NOMO1: variants seen among roughly 807,000 people sequenced by gnomAD.
NOMO1 encodes NODAL modulator 1.
NOMO1 carries 40 observed loss-of-function variants against 133.8 expected under a neutral mutation model. The observed-to-expected ratio is 0.30, with a 90% confidence interval of 0.23 to 0.39. The LOEUF (loss-of-function observed/expected upper bound fraction) is 0.39. Among genes scored for constraint, NOMO1 ranks in the 10% least tolerant of loss-of-function variants. The pLI, the probability that NOMO1 is intolerant of heterozygous loss-of-function variation, is 1.00. For synonymous variants in NOMO1, 236 were observed against 570.5 expected (o/e 0.41, Z 8.36); for missense variants, 462 against 1,419.9 (o/e 0.33, Z 10.84).
intron 9 of NOMO1, among the ~76,000 whole-genome samples, chr16:14,856,128 G>C (rs538921939): frequency 1.7e-4 from 26 of 152,170 alleles, no homozygotes; most frequent in Admixed American, 7.2e-4. Flanking sequence ...TGTGTACCAG[G>C]TGACTAAGAC....
chr16:14,882,753 T>A, intron 26 of NOMO1, 76 bp downstream of exon 26: 1 of 1,609,610 alleles, frequency 6.2e-7, no homozygotes, highest in African/African-American at 1.3e-5. Context: ...CTCCTCTGGC[T>A]GTCTGCCTTT....
chr16:14,855,121 C>T (rs1190819095), intron 9 of NOMO1, among the ~76,000 whole-genome samples: 1 of 148,274 alleles, frequency 6.7e-6, no homozygotes, highest in Non-Finnish European at 1.5e-5. Flanking sequence ...AGAGGAGTGG[C>T]GTGATCCTTC....
Position 14,874,407 on chromosome 16 carries a change from C to G in NOMO1, c.2055-629C>G, listed in dbSNP as rs1278467820. Reference sequence around the variant, plus strand: ...TCCAAGGACTTTGCACTTGGCATCGCTTTTCCCAAGCTACTGTTTACCCAG... The same window carrying G: ...TCCAAGGACTTTGCACTTGGCATCGGTTTTCCCAAGCTACTGTTTACCCAG... On this transcript the variant is annotated intron_variant, in intron 18 of 30. Transcript: ENST00000287667. 6.6e-5 allele frequency among the ~76,000 whole-genome samples: 10 copies of G among 152,114 alleles called. No homozygotes were observed. In the East Asian group the frequency reaches 1.9e-3, roughly 29 times the overall value.
In NOMO1 at chr16:14,864,613, C is replaced by G; in HGVS notation, c.1424C>G (p.Ala475Gly). Residue 475 changes from alanine to glycine, a missense_variant, in exon 13 of 31, where the codon GCA becomes GGA. Ala to Gly is a moderately conservative substitution (Grantham distance 60). Transcript: ENST00000287667. The part of the protein sequence containing the change: ...QVMVPEAETR[A>G]GLTLKPQTFP... ...ATGGTTCCTGAGGCAGAAACCAGAG[C>G]AGGGCTGACGTTGAAACCCCAGACA... 6.2e-7 allele frequency: 1 copy of G among 1,613,400 alleles called. No homozygotes were observed. The highest frequency in any genetic ancestry group is 8.5e-7 in the Non-Finnish European group (1 of 1,179,808).
intron 13 of NOMO1, 87 bp from the exon 14 acceptor site, chr16:14,864,936 CA>C: frequency 6.2e-7 from 1 of 1,602,342 alleles, no homozygotes; most frequent in South Asian, 1.1e-5. Context: ...TCAGCAGTAG[CA>C]AGAAGCTATT....
At chr16:14,837,773 C>T (rs369704269) in intron 1 of NOMO1, among the ~76,000 whole-genome samples, 1,894 of 123,332 alleles carry the variant, frequency 0.015, 22 homozygotes, top group Middle Eastern at 0.048. Flanking sequence ...ATTTTTGAGA[C>T]GGAGTCTTGC....
chr16:14,891,449 T>G (rs1964404331), intron 29 of NOMO1, among the ~76,000 whole-genome samples: 1 of 152,102 alleles, frequency 6.6e-6, no homozygotes, highest in Admixed American at 6.5e-5. Context: ...TTAAATGTGT[T>G]GATTTTTTTC....
Position 14,876,706 on chromosome 16 carries a change from A to T in NOMO1, c.2559A>T (p.Ser853=). The T allele has an allele frequency of 6.2e-7, 1 of 1,610,816 alleles. No homozygotes were observed. Among genetic ancestry groups the T allele is most frequent in the Non-Finnish European group, 8.5e-7 (1 of 1,179,736 alleles). ...GTGACCTGGAGTACACGGTGACCTC[A>T]CAGAAGGAGGGCTATGTTCTGACTG... ...LHSDLEYTVT[S]QKEGYVLTAV... Residue 853 remains serine (S), a synonymous_variant, in exon 22 of 31, where the codon TCA becomes TCT. Transcript: ENST00000287667.
Position 14,857,729 on chromosome 16 carries a change from T to C in NOMO1, c.1220+74T>C, listed in dbSNP as rs1963865348. The C allele has an allele frequency of 3.7e-6, 6 of 1,603,448 alleles. No individual in the cohort carries two copies. The South Asian group carries it at 6.6e-5, about 18-fold the overall frequency. On this transcript the variant is annotated intron_variant, in intron 11 of 30. Transcript: ENST00000287667. The stretch of plus-strand genomic sequence containing the variant: ...CAGTGTAGAACCGAATGACCTGTGA[T>C]CTGTGTGTCTTTGCCGAGCTTAAGA...
At position 14,889,333 on chromosome 16, in the gene NOMO1, A is replaced by G. The variant is rs1264063725; in HGVS notation, c.3444+118A>G. 3.1e-6 allele frequency: 5 copies of G among 1,602,122 alleles called. No individual in the cohort carries two copies. The East Asian group carries it at 1.1e-4, about 36-fold the overall frequency. On this transcript the variant is annotated intron_variant, in intron 29 of 30. Coordinates refer to ENST00000287667, the MANE Select transcript of NOMO1 (RefSeq NM_014287.4). ...GATCTCTTGAGCCCAGGAGTTTCAG[A>G]CCAGCCTAGGCAATACGGTAAAACC...
rs1006920313 is a variant in NOMO1, at chr16:14,880,794, C to T, written c.2885+652C>T. On this transcript the variant is annotated intron_variant, in intron 24 of 30. Coordinates refer to ENST00000287667, the MANE Select transcript of NOMO1 (RefSeq NM_014287.4). Reference sequence around the variant, plus strand: ...AAAAGAGTATAGTGTAAAATTTCCCCTCTGTCTCGTCTCCTAGCCACCCAA... The same window carrying T: ...AAAAGAGTATAGTGTAAAATTTCCCTTCTGTCTCGTCTCCTAGCCACCCAA... Among the ~76,000 whole-genome samples the T allele has an allele frequency of 5.9e-5, 9 of 151,560 alleles. 1 individual carries two copies. The highest frequency in any genetic ancestry group is 2.2e-4 in the African/African-American group (9 of 41,116).
At chr16:14,837,514 C>A (rs1963537068) in intron 1 of NOMO1, among the ~76,000 whole-genome samples, 1 of 151,820 alleles carries the variant, frequency 6.6e-6, no homozygotes, top group South Asian at 2.1e-4. Context: ...TCTGGTAATG[C>A]TCAGAATGTA....
chr16:14,854,238 T>C (rs1963801809), intron 9 of NOMO1, among the ~76,000 whole-genome samples: 1 of 117,128 alleles, frequency 8.5e-6, no homozygotes, highest in African/African-American at 3.3e-5. Context: ...AATATATTTA[T>C]TGATTGCCAG....
rs1456459455 is a variant in NOMO1 at position 14,853,468 on chromosome 16, A to C, written c.737A>C (p.Asp246Ala). 7 of 1,570,446 alleles carry C rather than the reference A, an allele frequency of 4.5e-6. No individual in the cohort carries two copies. Among genetic ancestry groups the C allele is most frequent in the Non-Finnish European group, 6.0e-6 (7 of 1,161,430 alleles). ...LLFSSLVTKEDVLGCNVSPVP... is the reference protein window; with the variant it reads ...LLFSSLVTKEAVLGCNVSPVP... ...TGTCTTTTTTACCCCCTGGCATAGG[A>C]TGTCCTGGGCTGCAATGTCTCACCA... Residue 246 changes from aspartate (D) to alanine (A), a missense_variant and splice_region_variant, in exon 8 of 31, where the codon GAT (aspartate) becomes GCT (alanine). By Grantham distance (126) the Asp-to-Ala change is moderately radical. Transcript: ENST00000287667.
chr16:14,859,017 A>G (rs1394328940), intron 11 of NOMO1, among the ~76,000 whole-genome samples: 18 of 152,008 alleles, frequency 1.2e-4, no homozygotes, highest in Admixed American at 1.1e-3. Context: ...GAGCTCTTCA[A>G]TAGGTACTTG....
chr16:14,883,474 G>A (rs1465574515), intron 26 of NOMO1, among the ~76,000 whole-genome samples: 2 of 151,676 alleles, frequency 1.3e-5, no homozygotes, highest in South Asian at 2.1e-4. Flanking sequence ...TGGGACTACA[G>A]GCACACACCA....
At chr16:14,886,386 CAAT>C (rs1298092585) in intron 27 of NOMO1, among the ~76,000 whole-genome samples, 2 of 138,428 alleles carry the variant, frequency 1.4e-5, no homozygotes, top group Non-Finnish European at 3.1e-5. Flanking sequence ...GGGATAATAA[CAAT>C]ACCTGTTTTG....
rs1964331667 is a variant in NOMO1 at position 14,886,835 on chromosome 16, T to A, written c.3297T>A (p.His1099Gln). ...CCCTTGGCCAGTCCCTGTTCTTCCA[T>A]TTCCCCCCACTGCTCAGAGACGGCG... ...TVSLGQSLFF[H>Q]FPPLLRDGEN... The change falls in exon 28 of 31, where the codon CAT becomes CAA. Residue 1099 changes from histidine to glutamine, a missense_variant. Physicochemically the swap from His to Gln is conservative, Grantham distance 24. Coordinates refer to ENST00000287667, the MANE Select transcript of NOMO1 (RefSeq NM_014287.4). 1 of 1,611,784 alleles carries A rather than the reference T, an allele frequency of 6.2e-7. No individual in the cohort carries two copies. Among genetic ancestry groups the A allele is most frequent in the Non-Finnish European group, 8.5e-7 (1 of 1,179,828 alleles).
intron 4 of NOMO1, among the ~76,000 whole-genome samples, chr16:14,845,810 CT>C (rs944492968): frequency 6.6e-5 from 10 of 150,770 alleles, no homozygotes; most frequent in African/African-American, 1.2e-4. Flanking sequence ...AATGGTGAAT[CT>C]TTTTTTATTT....
Sources: allele counts gnomAD v4.1 joint callset (sites outside exome capture counted in the v4.1 genomes callset), GRCh38; gene constraint gnomAD v4.1.1; transcripts MANE v1.5; gene names NCBI Gene and HGNC (gene_info 2026-07-23, HGNC 2026-07-21).